Variants in PCNX1 observed in about 807,000 individuals in gnomAD.
The protein encoded by PCNX1 is pecanex 1.
PCNX1 carries 78 observed loss-of-function variants against 242.2 expected under a neutral mutation model. That is an observed-to-expected ratio of 0.32 (90% CI 0.27 to 0.39). PCNX1 has a LOEUF of 0.39. Among genes scored for constraint, PCNX1 ranks in the 10% least tolerant of loss-of-function variants. The pLI, the probability that PCNX1 is intolerant of heterozygous loss-of-function variation, is 1.00. For synonymous variants in PCNX1, 1,024 were observed against 1,032.9 expected, an observed-to-expected ratio of 0.99 and a Z score of 0.17; for missense variants, 2,581 against 2,856.5, an observed-to-expected ratio of 0.90 and a Z score of 2.20.
At chr14:71,058,645 T>A (rs2061244713) in intron 26 of PCNX1, among the ~76,000 whole-genome samples, 1 of 152,208 alleles carries the variant, frequency 6.6e-6, no homozygotes, top group Admixed American at 6.5e-5. Context: ...TTTATTTTCA[T>A]CCTGGTGTTG....
chr14:71,080,883 TG>T (rs907642035), intron 28 of PCNX1, among the ~76,000 whole-genome samples: 1 of 152,228 alleles, frequency 6.6e-6, no homozygotes, highest in Non-Finnish European at 1.5e-5. Context: ...CTGATTGCCC[TG>T]TCTAGAACTT....
chr14:71,040,908 A>G (rs1345258734), intron 19 of PCNX1, among the ~76,000 whole-genome samples: 2 of 151,610 alleles, frequency 1.3e-5, no homozygotes, highest in Admixed American at 6.6e-5. Flanking sequence ...TTTAATTTTT[A>G]GCTCCCACAA....
intron 25 of PCNX1, among the ~76,000 whole-genome samples, chr14:71,057,158 T>C (rs2061205190): frequency 6.6e-6 from 1 of 152,212 alleles, no homozygotes; most frequent in Non-Finnish European, 1.5e-5. Context: ...TTCTGAATTC[T>C]TTTATTTTCC....
intron 30 of PCNX1, among the ~76,000 whole-genome samples, chr14:71,098,346 C>A (rs1193810096): frequency 6.6e-6 from 1 of 151,982 alleles, no homozygotes; most frequent in East Asian, 1.9e-4. Flanking sequence ...GGAATGGCAT[C>A]GAAGCTGTAG....
chr14:71,014,883 T>C (rs1361770037), intron 11 of PCNX1, among the ~76,000 whole-genome samples: 2 of 152,060 alleles, frequency 1.3e-5, no homozygotes, highest in African/African-American at 4.8e-5. Context: ...CCAGTGAACC[T>C]CAAGCATAAA....
chr14:70,985,550 C>G (rs1312214840), intron 6 of PCNX1, among the ~76,000 whole-genome samples: 2 of 152,164 alleles, frequency 1.3e-5, no homozygotes, highest in Non-Finnish European at 2.9e-5. Context: ...ATTGTGAAGT[C>G]AGTCTTTTTA....
intron 29 of PCNX1, 77 bp downstream of exon 29, chr14:71,088,507 A>G: frequency 2.4e-6 from 2 of 818,990 alleles, no homozygotes; most frequent in Non-Finnish European, 4.2e-6. Context: ...TTTTTCATGG[A>G]CGCATGTATT....
At chr14:71,084,820 C>G (rs925247815) in intron 28 of PCNX1, among the ~76,000 whole-genome samples, 2 of 152,232 alleles carry the variant, frequency 1.3e-5, no homozygotes, top group African/African-American at 4.8e-5. Flanking sequence ...GACCACTTGG[C>G]TCCCTGGCTT....
intron 5 of PCNX1, among the ~76,000 whole-genome samples, chr14:70,970,201 AAGT>A (rs1357404049): frequency 2.0e-5 from 3 of 151,878 alleles, no homozygotes; most frequent in African/African-American, 7.3e-5. Context: ...TCTCTACAAA[AAGT>A]AATAAAAAAA....
chr14:70,914,847 G>A (rs1040841063), intron 1 of PCNX1, among the ~76,000 whole-genome samples: 1 of 152,174 alleles, frequency 6.6e-6, no homozygotes, highest in Non-Finnish European at 1.5e-5. Flanking sequence ...ACCATTCGAT[G>A]AGTTTTGATA....
chr14:71,046,914 C>G (rs374496384), intron 20 of PCNX1, 50 bp from the exon 21 acceptor site: 214 of 1,448,492 alleles, frequency 1.5e-4, no homozygotes, highest in Non-Finnish European at 1.9e-4. Context: ...ATCACATTGA[C>G]AAACTATACA....
chr14:70,947,825 C>T (rs557247163), intron 2 of PCNX1, among the ~76,000 whole-genome samples: 1 of 152,272 alleles, frequency 6.6e-6, no homozygotes, highest in Non-Finnish European at 1.5e-5. Flanking sequence ...CTTGCAAAAG[C>T]AAATAAAAGA....
chr14:70,984,409 C>T (rs8022768), intron 6 of PCNX1, among the ~76,000 whole-genome samples: 56,927 of 150,108 alleles, frequency 0.38, 12,021 homozygotes, highest in East Asian at 0.62. Context: ...TTTTTTGAGA[C>T]GGAGTCTCAC....
chr14:70,967,082 A>C (rs1215849290), intron 3 of PCNX1, among the ~76,000 whole-genome samples: 6 of 152,166 alleles, frequency 3.9e-5, no homozygotes, highest in Non-Finnish European at 8.8e-5. Flanking sequence ...ATATGTATGC[A>C]TATTTTTATT....
intron 16 of PCNX1, chr14:71,031,565 C>T (rs1299674258): frequency 2.1e-6 from 1 of 468,944 alleles, no homozygotes; most frequent in Non-Finnish European, 4.0e-6. Flanking sequence ...CAACAACCTC[C>T]TGAGACAGAA....
At chr14:70,930,726 G>C (rs2056764567) in intron 1 of PCNX1, among the ~76,000 whole-genome samples, 1 of 152,000 alleles carries the variant, frequency 6.6e-6, no homozygotes, top group Non-Finnish European at 1.5e-5. Context: ...TTCCCAGCTG[G>C]CCCTCTGAAA....
intron 11 of PCNX1, among the ~76,000 whole-genome samples, chr14:71,014,503 A>T (rs1050339403): frequency 2.6e-5 from 4 of 152,232 alleles, no homozygotes; most frequent in African/African-American, 9.6e-5. Context: ...CCCTATGTTT[A>T]AAAAGTTAAC....
chr14:71,050,797 T>C, intron 23 of PCNX1, 37 bp downstream of exon 23: 1 of 1,580,194 alleles, frequency 6.3e-7, no homozygotes, highest in Non-Finnish European at 8.6e-7. Flanking sequence ...GAATGGACAG[T>C]CATATCCTAG....
intron 13 of PCNX1, among the ~76,000 whole-genome samples, chr14:71,023,841 T>G (rs1469046376): frequency 6.6e-6 from 1 of 152,158 alleles, no homozygotes; most frequent in African/African-American, 2.4e-5. Context: ...ATGAATAGTT[T>G]ATGATTTTTT....
Sources: gnomAD v4.1 joint callset for allele counts (sites outside exome capture counted in the v4.1 genomes callset) on GRCh38, gnomAD v4.1.1 for gene constraint, MANE v1.5 for transcripts, NCBI Gene and HGNC (gene_info 2026-07-23, HGNC 2026-07-21) for gene names.